Variants in IL4R observed in about 807,000 individuals in gnomAD.
IL4R encodes the protein interleukin-4 receptor subunit alpha.
A neutral mutation model predicts 41.5 loss-of-function variants in IL4R; 17 were observed. That is an observed-to-expected ratio of 0.41 (90% CI 0.28 to 0.61). The LOEUF (loss-of-function observed/expected upper bound fraction) is 0.61. Among genes scored for constraint, IL4R ranks in the 20% least tolerant of loss-of-function variants. The probability of loss-of-function intolerance (pLI) is 0.31; values close to 1 mark genes in which losing one functional copy is unlikely to be tolerated. For missense variants in IL4R, 974 were observed against 1,043.1 expected, an observed-to-expected ratio of 0.93 and a Z score of 0.91; for synonymous variants, 402 against 422.9, an observed-to-expected ratio of 0.95 and a Z score of 0.61.
intron 9 of IL4R, among the ~76,000 whole-genome samples, chr16:27,360,015 T>TAA (rs1404683527): frequency 1.4e-3 from 217 of 151,510 alleles, no homozygotes; most frequent in African/African-American, 5.1e-3. Flanking sequence ...CAGTTGGCTT[T>TAA]TTTTTTTTTT....
At chr16:27,350,104 C>T (rs915017973) in intron 6 of IL4R, among the ~76,000 whole-genome samples, 1 of 152,184 alleles carries the variant, frequency 6.6e-6, no homozygotes, top group Admixed American at 6.5e-5. Context: ...GCTCTTTTTC[C>T]TCCCATGGAC....
chr16:27,351,458 G>A (rs1226052051), intron 6 of IL4R, among the ~76,000 whole-genome samples: 1 of 151,592 alleles, frequency 6.6e-6, no homozygotes, highest in African/African-American at 2.4e-5. Context: ...GGGGATCATC[G>A]GGGCCATCTT....
chr16:27,361,173 C>A (rs994500125), intron 10 of IL4R, among the ~76,000 whole-genome samples: 1 of 151,930 alleles, frequency 6.6e-6, no homozygotes, highest in African/African-American at 2.4e-5. Context: ...GGATCTCACT[C>A]TGTGGCCCAG....
intron 1 of IL4R, among the ~76,000 whole-genome samples, chr16:27,324,911 C>G (rs1354123775): frequency 6.6e-6 from 1 of 152,164 alleles, no homozygotes; most frequent in Non-Finnish European, 1.5e-5. Context: ...TTCCCTCTGT[C>G]CCCGCTCTCC....
chr16:27,317,618 C>G (rs906609354), intron 1 of IL4R, among the ~76,000 whole-genome samples: 1 of 152,154 alleles, frequency 6.6e-6, no homozygotes, highest in African/African-American at 2.4e-5. Flanking sequence ...TGCATCACCA[C>G]TGTTTTATGA....
intron 6 of IL4R, among the ~76,000 whole-genome samples, chr16:27,350,103 C>A (rs1037093751): frequency 6.6e-6 from 1 of 152,174 alleles, no homozygotes; most frequent in Non-Finnish European, 1.5e-5. Flanking sequence ...TGCTCTTTTT[C>A]CTCCCATGGA....
At chr16:27,346,917 G>A (rs918996281) in intron 6 of IL4R, among the ~76,000 whole-genome samples, 1 of 152,224 alleles carries the variant, frequency 6.6e-6, no homozygotes, top group South Asian at 2.1e-4. Context: ...ACAAGTGATC[G>A]TAGGTGGCAC....
chr16:27,349,196 G>A (rs2085775574), intron 6 of IL4R, among the ~76,000 whole-genome samples: 1 of 152,212 alleles, frequency 6.6e-6, no homozygotes, highest in Non-Finnish European at 1.5e-5. Flanking sequence ...TTAGACTAAT[G>A]AGGGTTGGCC....
intron 2 of IL4R, among the ~76,000 whole-genome samples, chr16:27,332,018 C>T (rs2085123718): frequency 6.6e-6 from 1 of 151,872 alleles, no homozygotes; most frequent in African/African-American, 2.4e-5. Flanking sequence ...TTCTCTGTTG[C>T]CCAGGCTGGA....
intron 6 of IL4R, among the ~76,000 whole-genome samples, chr16:27,350,877 G>A (rs1302841225): frequency 2.0e-5 from 3 of 152,186 alleles, no homozygotes; most frequent in Non-Finnish European, 2.9e-5. Flanking sequence ...CAGGCAGAGG[G>A]CATGTGCATC....
At chr16:27,358,764 G>T (rs753408767) in intron 8 of IL4R, 152 bp from the exon 9 acceptor site, 16 of 621,048 alleles carry the variant, frequency 2.6e-5, no homozygotes, top group Admixed American at 6.7e-5. Flanking sequence ...ATGTCACCAG[G>T]TTAGAATGAT....
intron 3 of IL4R, among the ~76,000 whole-genome samples, chr16:27,340,758 A>G (rs2141128159): frequency 6.6e-6 from 1 of 152,268 alleles, no homozygotes; most frequent in Non-Finnish European, 1.5e-5. Context: ...AACACAGAAC[A>G]GCATAAGAGG....
chr16:27,346,231 G>T (rs1287985060), intron 5 of IL4R, among the ~76,000 whole-genome samples: 2 of 151,754 alleles, frequency 1.3e-5, no homozygotes, highest in African/African-American at 4.8e-5. Context: ...TCTCAAAAAA[G>T]AAGAAAAAAA....
chr16:27,340,849 GAGGA>G (rs1219709753), intron 3 of IL4R, among the ~76,000 whole-genome samples: 2 of 152,226 alleles, frequency 1.3e-5, no homozygotes, highest in Non-Finnish European at 2.9e-5. Context: ...AGCTGACTTG[GAGGA>G]AGCGGGAACC....
At chr16:27,344,134 A>G (rs1308345892) in intron 4 of IL4R, among the ~76,000 whole-genome samples, 2 of 151,902 alleles carry the variant, frequency 1.3e-5, no homozygotes, top group East Asian at 3.9e-4. Flanking sequence ...GTGAAGCTCC[A>G]TCTCTACTAA....
chr16:27,361,440 CTT>C (rs567854042), intron 10 of IL4R, among the ~76,000 whole-genome samples: 3 of 151,906 alleles, frequency 2.0e-5, no homozygotes, highest in Admixed American at 2.0e-4. Flanking sequence ...GAGTGAGACT[CTT>C]GTCTCAAAAA....
At chr16:27,320,432 A>G (rs983219267) in intron 1 of IL4R, among the ~76,000 whole-genome samples, 1 of 152,162 alleles carries the variant, frequency 6.6e-6, no homozygotes, top group Non-Finnish European at 1.5e-5. Flanking sequence ...AGTCCACATC[A>G]CGCTCTGTGC....
At chr16:27,343,529 C>T (rs899732365) in intron 4 of IL4R, among the ~76,000 whole-genome samples, 1 of 152,132 alleles carries the variant, frequency 6.6e-6, no homozygotes, top group Non-Finnish European at 1.5e-5. Context: ...CGGGTTCAAG[C>T]GATTCTCCTG....
In IL4R at chr16:27,345,094, A is replaced by AG; in HGVS notation, c.361+78dup. On this transcript the variant is annotated intron_variant, in intron 5 of 10. Transcript: ENST00000395762. This position sits in a 1 kb window ranked among gnomAD's most constrained non-coding sequence, Gnocchi z 4.5. ...TGCCTGGGCTGAGGGTGGGGTGGGC[A>AG]GGGGAGGAGGTGGGGTCATAGCAAC... 1 of 358,382 alleles carries AG rather than the reference A, an allele frequency of 2.8e-6. No individual in the cohort carries two copies. The highest frequency in any genetic ancestry group is 5.7e-6 in the Non-Finnish European group (1 of 175,854). The allele number at this position is 358,382 out of a possible 1,614,324, so 22.2% of individuals were successfully genotyped here.
Sources: allele counts gnomAD v4.1 joint callset (sites outside exome capture counted in the v4.1 genomes callset), GRCh38; gene constraint gnomAD v4.1.1; non-coding constraint Gnocchi (gnomAD v3.1); transcripts MANE v1.5; gene names NCBI Gene and HGNC (gene_info 2026-07-23, HGNC 2026-07-21).